Variants in MSH4 observed in about 807,000 individuals in gnomAD.
MSH4 encodes the protein mutS protein homolog 4.
In MSH4, 106 loss-of-function variants were observed where a neutral mutation model predicts 113.7. The ratio of observed to expected loss-of-function variants is 0.93; its 90% CI spans 0.80 to 1.10. The LOEUF is 1.10. Among genes scored for constraint, MSH4 ranks in the 50% least tolerant of loss-of-function variants. The probability of loss-of-function intolerance (pLI) is 0.00; values close to 1 mark genes in which losing one functional copy is unlikely to be tolerated. For missense variants in MSH4, 1,061 were observed against 1,093.7 expected, an observed-to-expected ratio of 0.97 and a Z score of 0.42; for synonymous variants, 368 against 380.2, an observed-to-expected ratio of 0.97 and a Z score of 0.37.
At chr1:75,830,358 A>G (rs1205046796) in intron 7 of MSH4, among the ~76,000 whole-genome samples, 1 of 152,200 alleles carries the variant, frequency 6.6e-6, no homozygotes, top group East Asian at 1.9e-4. Flanking sequence ...AAGTTGGAAA[A>G]CACTCTTCAG....
rs779667215 is a variant in MSH4 at position 75,913,235 on chromosome 1, T to C, written c.*348T>C. 6.5e-6 allele frequency: 1 copy of C among 153,730 alleles called. No homozygotes were observed. Among genetic ancestry groups the C allele is most frequent in the Non-Finnish European group, 1.4e-5 (1 of 69,218 alleles). 9.5% of individuals were successfully genotyped at this position (153,730 alleles called of 1,614,324 possible). On this transcript the variant is annotated 3_prime_UTR_variant, in exon 20 of 20. Coordinates refer to ENST00000263187, the MANE Select transcript of MSH4 (RefSeq NM_002440.4). ...TTTAATAAACACCTTTCTTTTTAGG[T>C]CTGGAAACTTTTTTGAGCTTTTCTT...
intron 11 of MSH4, among the ~76,000 whole-genome samples, 153 bp downstream of exon 11, chr1:75,878,471 A>G (rs1054591528): frequency 3.3e-5 from 5 of 152,184 alleles, no homozygotes; most frequent in African/African-American, 1.2e-4. Flanking sequence ...CATTTAAGGA[A>G]ACAGCATATG....
intron 2 of MSH4, 149 bp from the exon 3 acceptor site, chr1:75,806,832 A>T: frequency 1.5e-6 from 1 of 661,294 alleles, no homozygotes. Flanking sequence ...GAACCAATAG[A>T]TCCTTTAGGG....
chr1:75,851,101 C>T (rs528105768), intron 8 of MSH4, among the ~76,000 whole-genome samples: 2 of 152,180 alleles, frequency 1.3e-5, no homozygotes, highest in South Asian at 4.2e-4. Context: ...TTGTAGGTGA[C>T]ATATAGTTAA....
chr1:75,912,824 C>G lies in MSH4; in HGVS notation c.2748C>G (p.Leu916=). The G allele has an allele frequency of 4.4e-6, 7 of 1,583,708 alleles. No homozygotes were observed. Among genetic ancestry groups the G allele is most frequent in the Non-Finnish European group, 5.1e-6 (6 of 1,166,176 alleles). ...PDSLRIYLSN[L]KKKYKEDFPR... Reference sequence around the variant, plus strand: ...GTTTACGAATATATTTAAGTAACCTCAAGAAGAAGTACAAAGAAGATTTTC... The same window carrying G: ...GTTTACGAATATATTTAAGTAACCTGAAGAAGAAGTACAAAGAAGATTTTC... The change falls in exon 20 of 20, where the codon CTC becomes CTG. Residue 916 remains leucine (L), a synonymous_variant. Coordinates refer to ENST00000263187, the MANE Select transcript of MSH4 (RefSeq NM_002440.4).
intron 6 of MSH4, among the ~76,000 whole-genome samples, chr1:75,817,964 T>A (rs1650326850): frequency 6.6e-6 from 1 of 152,140 alleles, no homozygotes; most frequent in Non-Finnish European, 1.5e-5. Context: ...TCAGATTTGA[T>A]CCATCAGAAA....
intron 15 of MSH4, among the ~76,000 whole-genome samples, chr1:75,884,319 A>T (rs569964017): frequency 6.6e-6 from 1 of 152,262 alleles, no homozygotes; most frequent in East Asian, 1.9e-4. Flanking sequence ...ATGTGCATAC[A>T]TGCATCTAAA....
At chr1:75,885,816 GTATAGTATATGTAATGTATTATATATTA>G (rs1322640145) in intron 15 of MSH4, among the ~76,000 whole-genome samples, 3 of 121,106 alleles carry the variant, frequency 2.5e-5, no homozygotes, top group South Asian at 2.5e-4. Flanking sequence ...TACATATTAT[GTATAGTATATGTAATGTATTATATATTA>G]TATAGTATAT....
At chr1:75,881,145 A>G in intron 13 of MSH4, 101 bp from the exon 14 acceptor site, 2 of 896,882 alleles carry the variant, frequency 2.2e-6, no homozygotes, top group East Asian at 5.2e-5. Flanking sequence ...AGATGTGAAT[A>G]TTATTTTACT....
rs760951616 is a variant in MSH4 at position 75,797,174 on chromosome 1, G to GAGCAGCAGC, written c.199_207dup (p.Ser67_Ser69dup). On this transcript the variant is annotated inframe_insertion, in exon 1 of 20. Transcript: ENST00000263187. ...GCACGTCAGGAGCTGCGGGCGACCG[G>GAGCAGCAGC]AGCAGCAGCAGCAGCAGCCTTCCCT... 2.5e-6 allele frequency: 4 copies of GAGCAGCAGC among 1,610,572 alleles called. No individual in the cohort carries two copies. Among genetic ancestry groups the GAGCAGCAGC allele is most frequent in the East Asian group, 2.2e-5 (1 of 44,774 alleles).
intron 8 of MSH4, among the ~76,000 whole-genome samples, chr1:75,860,537 G>A (rs1651432422): frequency 6.6e-6 from 1 of 152,158 alleles, no homozygotes; most frequent in East Asian, 1.9e-4. Context: ...TAGTTTGGCT[G>A]GATATGAAAT....
At chr1:75,839,099 ATAAACTTGGATTTTTT>A (rs1329527650) in intron 7 of MSH4, among the ~76,000 whole-genome samples, 1 of 152,188 alleles carries the variant, frequency 6.6e-6, no homozygotes, top group African/African-American at 2.4e-5. Flanking sequence ...AATTTTGATG[ATAAACTTGGATTTTTT>A]TAAACTTTAA....
At chr1:75,840,025 G>T (rs1471769304) in intron 7 of MSH4, among the ~76,000 whole-genome samples, 2 of 150,790 alleles carry the variant, frequency 1.3e-5, no homozygotes, top group East Asian at 2.0e-4. Flanking sequence ...AACAACAGGT[G>T]CTGGAGAGGA....
chr1:75,885,956 T>TATATTATATA (rs2100577823), intron 15 of MSH4, among the ~76,000 whole-genome samples: 1 of 115,842 alleles, frequency 8.6e-6, no homozygotes, highest in Admixed American at 1.1e-4. Flanking sequence ...ATATATATGA[T>TATATTATATA]GTATTATATA....
In MSH4 at chr1:75,810,675, T is replaced by C. The variant is rs371470590; in HGVS notation, c.589-22T>C. 85 of 1,111,972 alleles carry C rather than the reference T, an allele frequency of 7.6e-5. No individual in the cohort carries two copies. In the African/African-American group the frequency reaches 1.0e-3, roughly 13 times the overall value. 68.9% of individuals were successfully genotyped at this position (1,111,972 alleles called of 1,614,324 possible). On this transcript the variant is annotated intron_variant, in intron 3 of 19. Transcript: ENST00000263187. ...TATTTCCTAAGCTTTATTTAAGAAA[T>C]TGTTTATTCAAATGATTTCAGGTGA...
At chr1:75,842,706 G>A (rs897656140) in intron 7 of MSH4, among the ~76,000 whole-genome samples, 2 of 152,206 alleles carry the variant, frequency 1.3e-5, no homozygotes, top group African/African-American at 4.8e-5. Flanking sequence ...CCTTGGTCTA[G>A]TGGTAATGCC....
chr1:75,890,481 T>G (rs190813133), intron 16 of MSH4, among the ~76,000 whole-genome samples: 1 of 152,200 alleles, frequency 6.6e-6, no homozygotes, highest in East Asian at 1.9e-4. Flanking sequence ...CATATACATA[T>G]GCATATGTCT....
At chr1:75,826,759 A>T (rs1168552924) in intron 7 of MSH4, among the ~76,000 whole-genome samples, 1 of 152,154 alleles carries the variant, frequency 6.6e-6, no homozygotes, top group African/African-American at 2.4e-5. Flanking sequence ...CTTTCCATGC[A>T]GTTGTGCAGT....
chr1:75,840,268 C>T (rs962351304), intron 7 of MSH4, among the ~76,000 whole-genome samples: 4 of 139,602 alleles, frequency 2.9e-5, no homozygotes, highest in African/African-American at 1.0e-4. Context: ...TGGAACCAAC[C>T]CAAATGTCCA....
Sources: allele counts gnomAD v4.1 joint callset (sites outside exome capture counted in the v4.1 genomes callset), GRCh38; gene constraint gnomAD v4.1.1; transcripts MANE v1.5; gene names NCBI Gene and HGNC (gene_info 2026-07-23, HGNC 2026-07-21).